Variants in DAB1 observed in about 807,000 individuals in gnomAD.
DAB1 encodes the protein disabled homolog 1.
DAB1 carries 15 observed loss-of-function variants against 64.6 expected under a neutral mutation model. That is an observed-to-expected ratio of 0.23 (90% CI 0.16 to 0.36). The LOEUF is 0.36. Ranked by LOEUF, DAB1 falls within the 10% of genes least tolerant of loss-of-function variation. The pLI is 1.00. For missense variants in DAB1, 596 were observed against 706.7 expected, an observed-to-expected ratio of 0.84 and a Z score of 1.78; for synonymous variants, 235 against 251.9, an observed-to-expected ratio of 0.93 and a Z score of 0.64.
intron 6 of DAB1, among the ~76,000 whole-genome samples, chr1:57,688,170 C>T (rs998641145): frequency 3.9e-5 from 6 of 151,978 alleles, no homozygotes; most frequent in African/African-American, 1.5e-4. Context: ...ACACATCTGA[C>T]AAAGATCTAA....
rs185067256 is a variant in DAB1 at position 58,445,990 on chromosome 1, T to A, written n.257+60070A>T. Among the ~76,000 whole-genome samples the A allele has an allele frequency of 7.7e-4, 117 of 152,284 alleles. 1 individual carries two copies. The highest frequency in any genetic ancestry group is 2.0e-3 in the Admixed American group (30 of 15,296). ...ATTAGGGTAAGCAACCATTCTGATT[T>A]GCCCAGGACTGTCTTTGTTTTAGAA... On this transcript the variant is annotated intron_variant and non_coding_transcript_variant, in intron 3 of 20. Transcript: ENST00000485760.
intron 3 of DAB1, among the ~76,000 whole-genome samples, chr1:58,426,198 G>A (rs1341335971): frequency 6.6e-6 from 1 of 152,146 alleles, no homozygotes; most frequent in African/African-American, 2.4e-5. Context: ...AGGGCCCCAT[G>A]GTAAAATGGT....
At chr1:57,428,858 A>AAC (rs59586688), upstream of DAB1, among the ~76,000 whole-genome samples, 12,500 of 135,132 alleles carry the variant, frequency 0.093, 1,008 homozygotes, top group African/African-American at 0.2. Context: ...AAAAAAAAAA[A>AAC]AACAGCAACC....
rs758358169 is a variant in DAB1, at chr1:58,292,213, C to T, written n.309+51139G>A. On this transcript the variant is annotated intron_variant and non_coding_transcript_variant, in intron 4 of 20. Coordinates refer to the DAB1 transcript ENST00000485760. ...TCCTGGGTCTCCAGCTTGCAGATGG[C>T]AGATCATGGGATTTCTCAGCTTCCG... Among the ~76,000 whole-genome samples the T allele has an allele frequency of 2.3e-4, 35 of 152,270 alleles. No homozygotes were observed. The Middle Eastern group carries it at 0.017, about 74-fold the overall frequency.
chr1:57,918,815 C>T (rs1321491967), intron 5 of DAB1, among the ~76,000 whole-genome samples: 2 of 151,724 alleles, frequency 1.3e-5, no homozygotes, highest in Admixed American at 6.6e-5. Flanking sequence ...CAGAGCGAGA[C>T]TCCGTCTCAA....
At chr1:57,489,858 T>C (rs1174933893) in intron 7 of DAB1, among the ~76,000 whole-genome samples, 3 of 152,228 alleles carry the variant, frequency 2.0e-5, no homozygotes, top group South Asian at 4.1e-4. Context: ...CTCATTCAAA[T>C]GCTAATGTCT....
rs144141013 is a variant in DAB1, at chr1:57,061,431, T to C, written c.723+1453A>G. Among the ~76,000 whole-genome samples, 405 of 152,310 alleles carry C rather than the reference T, an allele frequency of 2.7e-3. 2 individuals carry two copies. Among genetic ancestry groups the C allele is most frequent in the African/African-American group, 9.0e-3 (374 of 41,560 alleles). Reference sequence around the variant, plus strand: ...CTCCTGTCCATCTCCCTATGCAATTTGTGAATCGCCCTGGTAATCTTTCTG... The same window carrying C: ...CTCCTGTCCATCTCCCTATGCAATTCGTGAATCGCCCTGGTAATCTTTCTG... On this transcript the variant is annotated intron_variant, in intron 9 of 14. Coordinates refer to ENST00000371236, the MANE Select transcript of DAB1 (RefSeq NM_001365792.1).
At chr1:57,220,597 G>C (rs1209839456) in intron 2 of DAB1, among the ~76,000 whole-genome samples, 5 of 152,166 alleles carry the variant, frequency 3.3e-5, no homozygotes, top group African/African-American at 1.2e-4. Context: ...CAAAGGATAT[G>C]AACAGACACT....
intron 7 of DAB1, among the ~76,000 whole-genome samples, chr1:57,580,601 C>G (rs2101550277): frequency 6.6e-6 from 1 of 152,128 alleles, no homozygotes; most frequent in East Asian, 1.9e-4. Context: ...CTTTTTCCTT[C>G]TCCTTGATCT....
chr1:57,494,675 T>C (rs534235115), intron 7 of DAB1, among the ~76,000 whole-genome samples: 1 of 152,176 alleles, frequency 6.6e-6, no homozygotes, highest in Non-Finnish European at 1.5e-5. Flanking sequence ...CCAGTTTGAG[T>C]TGGAGACACA....
intron 5 of DAB1, among the ~76,000 whole-genome samples, chr1:58,012,738 A>AT (rs1215459273): frequency 1.3e-5 from 2 of 152,178 alleles, no homozygotes; most frequent in Non-Finnish European, 2.9e-5. Flanking sequence ...ACCAGACAAC[A>AT]TATCTTCCAG....
chr1:57,057,990 A>G (rs2100553232), intron 9 of DAB1, among the ~76,000 whole-genome samples: 1 of 152,268 alleles, frequency 6.6e-6, no homozygotes, highest in Non-Finnish European at 1.5e-5. Context: ...AAGAGTTTTA[A>G]TGACTTTAAA....
intron 3 of DAB1, among the ~76,000 whole-genome samples, chr1:58,501,945 CA>C (rs1213911735): frequency 6.6e-6 from 1 of 152,118 alleles, no homozygotes; most frequent in Admixed American, 6.5e-5. Flanking sequence ...CTCCCGCCCC[CA>C]GCACCAAATT....
rs548500937 is a variant in DAB1, at chr1:57,110,793, C to A, written c.306+25750G>T. Among the ~76,000 whole-genome samples, 7 of 152,106 alleles carry A rather than the reference C, an allele frequency of 4.6e-5. No individual in the cohort carries two copies. In the South Asian group the frequency reaches 1.5e-3, roughly 32 times the overall value. On this transcript the variant is annotated intron_variant, in intron 4 of 14. Transcript: ENST00000371236. ...TATTTCATTTTCACCTTAGAATAAC[C>A]CTATGCTACAGGCACTATAGCTATG...
chr1:58,199,743 C>T (rs999214434), intron 4 of DAB1, among the ~76,000 whole-genome samples: 15 of 152,238 alleles, frequency 9.9e-5, no homozygotes, highest in South Asian at 6.2e-4. Flanking sequence ...ACATTAATTA[C>T]GGTAGATTGA....
chr1:57,401,695 G>A (rs978257005), intron 1 of DAB1, among the ~76,000 whole-genome samples: 1 of 152,188 alleles, frequency 6.6e-6, no homozygotes, highest in African/African-American at 2.4e-5. Flanking sequence ...TAGGTCCAGA[G>A]AGCCCAAGTC....
chr1:57,499,130 C>T (rs1365836069), intron 7 of DAB1, among the ~76,000 whole-genome samples: 1 of 152,128 alleles, frequency 6.6e-6, no homozygotes, highest in African/African-American at 2.4e-5. Flanking sequence ...TGCACACCAC[C>T]ACGCCCGGCT....
At chr1:57,662,416 G>A (rs891325660) in intron 6 of DAB1, among the ~76,000 whole-genome samples, 1 of 152,000 alleles carries the variant, frequency 6.6e-6, no homozygotes, top group African/African-American at 2.4e-5. Flanking sequence ...GGCTGGTCTC[G>A]AACTCCCGAC....
At chr1:57,127,269 A>T (rs1657207048) in intron 4 of DAB1, among the ~76,000 whole-genome samples, 2 of 152,324 alleles carry the variant, frequency 1.3e-5, no homozygotes, top group East Asian at 3.9e-4. Context: ...GACAGCTCGG[A>T]TTTATCAAGT....
Sources: allele counts gnomAD v4.1 joint callset (sites outside exome capture counted in the v4.1 genomes callset), GRCh38; gene constraint gnomAD v4.1.1; transcripts MANE v1.5; gene names NCBI Gene and HGNC (gene_info 2026-07-23, HGNC 2026-07-21).